Variants in FLOT2 observed in about 807,000 individuals in gnomAD.
FLOT2 encodes the protein flotillin-2.
Under a neutral mutation model 54.9 loss-of-function variants are expected in FLOT2, and 35 were observed. That is an observed-to-expected ratio of 0.64 (90% CI 0.49 to 0.84). The LOEUF (loss-of-function observed/expected upper bound fraction) is 0.84, where lower values mean the gene tolerates loss of function less well. Among genes scored for constraint, FLOT2 ranks in the 40% least tolerant of loss-of-function variants. The pLI is 0.00. For missense variants in FLOT2, 464 were observed against 572.1 expected (o/e 0.81, Z 1.93); for synonymous variants, 207 against 228.9 (o/e 0.90, Z 0.86).
chr17:28,895,893 G>A (rs1020747763), intron 1 of FLOT2, among the ~76,000 whole-genome samples: 6 of 152,296 alleles, frequency 3.9e-5, no homozygotes, highest in African/African-American at 1.2e-4. Context: ...TGGGTGAGAT[G>A]CCTCTGGTCT....
intron 1 of FLOT2, among the ~76,000 whole-genome samples, chr17:28,889,829 G>A (rs1456173121): frequency 1.3e-5 from 2 of 148,850 alleles, no homozygotes; most frequent in East Asian, 2.0e-4. Context: ...TAGTAGAGAC[G>A]GGGTTTCACC....
At chr17:28,888,883 G>T in intron 2 of FLOT2, 62 bp downstream of exon 2, 2 of 1,170,592 alleles carry the variant, frequency 1.7e-6, no homozygotes, top group Non-Finnish European at 2.4e-6. Flanking sequence ...GCAGAACAAT[G>T]CTGGAAGCCC....
chr17:28,880,687 C>A (rs778108827), intron 10 of FLOT2, 26 bp downstream of exon 10: 8 of 1,613,932 alleles, frequency 5.0e-6, no homozygotes, highest in African/African-American at 4.0e-5. Context: ...CCTGGGCAAC[C>A]CCACCGCAGC....
chr17:28,882,636 C>T lies in FLOT2; in HGVS notation c.402G>A (p.Val134=), dbSNP rs2152646568. The change falls in exon 5 of 11, where the codon GTG becomes GTA. Residue 134 remains valine (V), a synonymous_variant. Transcript: ENST00000394908. The surrounding 1 kb of genome is among the most constrained non-coding windows in gnomAD (Gnocchi z 5.6). ...YQDRDQFAKL[V]REVAAPDVGR... is the part of the protein sequence containing the mutation. ...CAACATCAGGGGCTGCCACCTCCCG[C>T]ACCAGCTTGGCAAACTGGTCCCGGT... The T allele has an allele frequency of 6.2e-7, 1 of 1,613,914 alleles. No individual in the cohort carries two copies. The highest frequency in any genetic ancestry group is 2.2e-5 in the East Asian group (1 of 44,880).
At chr17:28,894,270 T>G (rs1403531414) in intron 1 of FLOT2, among the ~76,000 whole-genome samples, 1 of 152,140 alleles carries the variant, frequency 6.6e-6, no homozygotes, top group Non-Finnish European at 1.5e-5. Flanking sequence ...GAGGATTGCT[T>G]GAGCCCAGGA....
In FLOT2 at chr17:28,883,457, C is replaced by T. The variant is rs558063970; in HGVS notation, c.223-226G>A. Among the ~76,000 whole-genome samples, 4 of 152,300 alleles carry T rather than the reference C, an allele frequency of 2.6e-5. 1 individual carries two copies. The South Asian group carries it at 8.3e-4, about 32-fold the overall frequency. On this transcript the variant is annotated intron_variant, in intron 3 of 10. Transcript: ENST00000394908. This position sits in a 1 kb window ranked among gnomAD's most constrained non-coding sequence, Gnocchi z 5.0. ...GCACTGACAGCCCCAGGCCCTGCCA[C>T]GGCCTCTCCTGGGCATTCGGGGCTT...
intron 2 of FLOT2, among the ~76,000 whole-genome samples, chr17:28,888,001 G>A (rs557631659): frequency 1.3e-5 from 2 of 152,342 alleles, no homozygotes; most frequent in Admixed American, 1.3e-4. Context: ...TAGCAGCTTG[G>A]TGCAGACGTG....
Position 28,884,170 on chromosome 17 carries a change from G to A in FLOT2, c.222+55C>T, listed in dbSNP as rs2039502412. 11 of 1,340,148 alleles carry A rather than the reference G, an allele frequency of 8.2e-6. No homozygotes were observed. Among genetic ancestry groups the A allele is most frequent in the South Asian group, 1.2e-5 (1 of 85,810 alleles). 83.0% of individuals were successfully genotyped at this position (1,340,148 alleles called of 1,614,324 possible). On this transcript the variant is annotated intron_variant, in intron 3 of 10. Transcript: ENST00000394908. The surrounding 1 kb of genome is among the most constrained non-coding windows in gnomAD (Gnocchi z 5.1). Reference sequence around the variant, plus strand: ...GTCCTCTCCTCCTCCCCCCGAACCCGAGTACGGGACCAGGCAGCTCAACGG... The same window carrying A: ...GTCCTCTCCTCCTCCCCCCGAACCCAAGTACGGGACCAGGCAGCTCAACGG...
intron 2 of FLOT2, among the ~76,000 whole-genome samples, chr17:28,886,664 C>T (rs932800669): frequency 2.9e-4 from 44 of 152,168 alleles, no homozygotes; most frequent in African/African-American, 9.9e-4. Flanking sequence ...GCTGGGCCTC[C>T]CTAGGCAGTC....
At chr17:28,893,411 CTTTTT>C (rs11300363) in intron 1 of FLOT2, 2 of 136,182 alleles carry the variant, frequency 1.5e-5, no homozygotes, top group Non-Finnish European at 1.6e-5. Context: ...CCTCCACCTT[CTTTTT>C]TTTTTTTTTT....
chr17:28,889,341 T>G (rs573271463), intron 1 of FLOT2, among the ~76,000 whole-genome samples: 6 of 152,192 alleles, frequency 3.9e-5, no homozygotes, highest in African/African-American at 1.4e-4. Flanking sequence ...AAGCTTTTTT[T>G]TTTTTTCAGA....
At position 28,897,696 on chromosome 17, in the gene FLOT2, C is replaced by G; in HGVS notation, c.-122G>C. ...CAGCGGCCGGCCGCCCGCTCGCTCG[C>G]CCGCGCCCCTCTGCGGTCGCAGCCC... On this transcript the variant is annotated 5_prime_UTR_variant, in exon 1 of 11. Coordinates refer to ENST00000394908, the MANE Select transcript of FLOT2 (RefSeq NM_004475.3). This position sits in a 1 kb window ranked among gnomAD's most constrained non-coding sequence, Gnocchi z 4.4. 1 of 886,738 alleles carries G rather than the reference C, an allele frequency of 1.1e-6. No individual in the cohort carries two copies. Among genetic ancestry groups the G allele is most frequent in the Non-Finnish European group, 1.5e-6 (1 of 665,124 alleles). The allele number at this position is 886,738 out of a possible 1,614,324, so 54.9% of individuals were successfully genotyped here. A position where few individuals can be genotyped will look rare whatever the true frequency, so the allele number is the denominator to read the frequency against.
rs1488505385 is a variant in FLOT2, at chr17:28,883,736, C to G, written c.222+489G>C. ...CCTACAGCATGGCTGAACCTCACTG[C>G]CCTGTGAAGCCAAGAGGTGGATCGG... On this transcript the variant is annotated intron_variant, in intron 3 of 10. Transcript: ENST00000394908. This position sits in a 1 kb window ranked among gnomAD's most constrained non-coding sequence, Gnocchi z 5.0. Among the ~76,000 whole-genome samples, 1 of 152,196 alleles carries G rather than the reference C, an allele frequency of 6.6e-6. No individual in the cohort carries two copies. Among genetic ancestry groups the G allele is most frequent in the East Asian group, 1.9e-4 (1 of 5,194 alleles).
At chr17:28,885,395 C>A (rs1470043781) in intron 2 of FLOT2, among the ~76,000 whole-genome samples, 2 of 152,200 alleles carry the variant, frequency 1.3e-5, no homozygotes, top group Non-Finnish European at 2.9e-5. Context: ...GGCACACAGG[C>A]TCTGAGGGGG....
At position 28,883,118 on chromosome 17, in the gene FLOT2, G is replaced by A. The variant is rs1396262789; in HGVS notation, c.336C>T (p.Arg112=). The A allele has an allele frequency of 3.7e-6, 6 of 1,614,136 alleles. No homozygotes were observed. The highest frequency in any genetic ancestry group is 5.1e-6 in the Non-Finnish European group (6 of 1,180,014). The change falls in exon 4 of 11, where the codon CGC becomes CGT. Residue 112 remains arginine (R), a synonymous_variant. Transcript: ENST00000394908. The surrounding 1 kb of genome is among the most constrained non-coding windows in gnomAD (Gnocchi z 5.0). ...VVLQTLEGHL[R]SILGTLTVEQ... ...TGAACAGGGCCTCACCGAGGATGGA[G>A]CGCAGATGTCCCTCCAGGGTCTGCA... is the stretch of plus-strand genomic sequence containing the variant.
chr17:28,895,983 C>T (rs1054445689), intron 1 of FLOT2, among the ~76,000 whole-genome samples: 1 of 152,104 alleles, frequency 6.6e-6, no homozygotes, highest in Non-Finnish European at 1.5e-5. Flanking sequence ...GGAGTCCACA[C>T]ACAAGAGGGA....
Position 28,897,549 on chromosome 17 carries a change from G to A in FLOT2, c.26C>T (p.Pro9Leu). 6.2e-7 allele frequency: 1 copy of A among 1,605,370 alleles called. No individual in the cohort carries two copies. Among genetic ancestry groups the A allele is most frequent in the East Asian group, 2.3e-5 (1 of 43,926 alleles). The change falls in exon 1 of 11, where the codon CCC (proline) becomes CTC (leucine). Residue 9 changes from proline (P) to leucine (L), a missense_variant. Pro to Leu is a moderately conservative substitution (Grantham distance 98). Coordinates refer to ENST00000394908, the MANE Select transcript of FLOT2 (RefSeq NM_004475.3). The surrounding 1 kb of genome is among the most constrained non-coding windows in gnomAD (Gnocchi z 4.4). ...ACCTGAAACCACCAGCGCCTCGTTG[G>A]GCCCCACCGTGTGGCAATTGCCCAT... MGNCHTVG[P>L]NEALVVSGGC...
chr17:28,885,661 A>C (rs1455763731), intron 2 of FLOT2: 3 of 717,494 alleles, frequency 4.2e-6, no homozygotes, highest in Non-Finnish European at 7.8e-6. Context: ...CCCCACTTGC[A>C]GTCCAATAGG....
intron 2 of FLOT2, among the ~76,000 whole-genome samples, chr17:28,888,563 T>G (rs2039587593): frequency 6.6e-6 from 1 of 152,180 alleles, no homozygotes; most frequent in African/African-American, 2.4e-5. Flanking sequence ...TTTCCTCCCT[T>G]CATATGCCCA....
Sources: gnomAD v4.1 joint callset for allele counts (sites outside exome capture counted in the v4.1 genomes callset) on GRCh38, gnomAD v4.1.1 for gene constraint, Gnocchi (gnomAD v3.1) non-coding constraint, MANE v1.5 for transcripts, NCBI Gene and HGNC (gene_info 2026-07-23, HGNC 2026-07-21) for gene names.